LRCH1: variants seen among roughly 807,000 people sequenced by gnomAD.
LRCH1 encodes leucine-rich repeat and calponin homology domain-containing protein 1.
Under a neutral mutation model 94.9 loss-of-function variants are expected in LRCH1, and 23 were observed. The observed-to-expected ratio is 0.24, with a 90% confidence interval of 0.17 to 0.34. The LOEUF (loss-of-function observed/expected upper bound fraction) is 0.34, where lower values mean the gene tolerates loss of function less well. LRCH1 is among the 10% of genes least tolerant of loss of function. LRCH1 has a pLI of 1.00. For synonymous variants in LRCH1, 364 were observed against 354.9 expected (o/e 1.03, Z -0.29); for missense variants, 790 against 945.9 (o/e 0.84, Z 2.16).
rs376431970 is a variant in LRCH1 at position 46,640,686 on chromosome 13, C to T, written c.308-9515C>T. Among the ~76,000 whole-genome samples the T allele has an allele frequency of 3.5e-4, 53 of 152,314 alleles. No homozygotes were observed. The East Asian group carries it at 6.5e-3, about 19-fold the overall frequency. On this transcript the variant is annotated intron_variant, in intron 1 of 19. Coordinates refer to ENST00000389797, the MANE Select transcript of LRCH1 (RefSeq NM_001164211.2). ...AAGCTCCTAATCTTCATGGAGCTTA[C>T]GTTCTAGGAAGGGAAGAGAGAAAAT...
chr13:46,583,957 T>G (rs2050402393), intron 1 of LRCH1, among the ~76,000 whole-genome samples: 1 of 150,268 alleles, frequency 6.7e-6, no homozygotes, highest in South Asian at 2.1e-4. Context: ...TCAGCTAGAT[T>G]TTAAACTCCA....
At chr13:46,723,419 C>G in intron 17 of LRCH1, 89 bp downstream of exon 17, 1 of 1,002,888 alleles carries the variant, frequency 1.0e-6, no homozygotes, top group East Asian at 2.5e-5. Flanking sequence ...GCAAGCAGTC[C>G]TAATTTCAAA....
intron 1 of LRCH1, among the ~76,000 whole-genome samples, chr13:46,648,521 C>T (rs1292824134): frequency 1.3e-5 from 2 of 152,174 alleles, no homozygotes; most frequent in Non-Finnish European, 2.9e-5. Flanking sequence ...CAGGGCTCTT[C>T]TTTGTTGAGA....
intron 1 of LRCH1, among the ~76,000 whole-genome samples, chr13:46,582,648 C>CTTTTGTTTTTTTTTTTTTTTTT (rs2050384098): frequency 4.3e-5 from 1 of 23,332 alleles, no homozygotes; most frequent in Non-Finnish European, 8.0e-5. Flanking sequence ...CCATGCCCAG[C>CTTTTGTTTTTTTTTTTTTTTTT]TTTTTTTTTT....
chr13:46,704,490 TC>T (rs767049825), intron 11 of LRCH1, among the ~76,000 whole-genome samples: 1 of 152,094 alleles, frequency 6.6e-6, no homozygotes, highest in Non-Finnish European at 1.5e-5. Context: ...TATAAATGCA[TC>T]CCTGTTTAAG....
intron 1 of LRCH1, among the ~76,000 whole-genome samples, chr13:46,568,335 C>T (rs2050207148): frequency 6.6e-6 from 1 of 152,128 alleles, no homozygotes; most frequent in African/African-American, 2.4e-5. Context: ...TATGGTCACC[C>T]CATGCACATG....
intron 1 of LRCH1, among the ~76,000 whole-genome samples, chr13:46,560,878 T>C (rs1025925666): frequency 6.6e-6 from 1 of 152,188 alleles, no homozygotes; most frequent in Non-Finnish European, 1.5e-5. Context: ...CAGTAAGAAA[T>C]AGTACATTTG....
intron 11 of LRCH1, among the ~76,000 whole-genome samples, chr13:46,702,338 C>T (rs1040069325): frequency 1.3e-5 from 2 of 152,062 alleles, no homozygotes; most frequent in Non-Finnish European, 2.9e-5. Flanking sequence ...CCTGTCTGTA[C>T]TAATAATACA....
chr13:46,732,413 G>A (rs891247879), intron 18 of LRCH1, among the ~76,000 whole-genome samples: 18 of 152,164 alleles, frequency 1.2e-4, no homozygotes, highest in Non-Finnish European at 2.1e-4. Context: ...TAACCATTGC[G>A]TTTGTCACAA....
chr13:46,726,384 G>A (rs551670131), intron 17 of LRCH1, among the ~76,000 whole-genome samples: 145 of 152,280 alleles, frequency 9.5e-4, no homozygotes, highest in Non-Finnish European at 1.5e-3. Flanking sequence ...ACTTGGAGCC[G>A]AAGTCGCTGG....
At chr13:46,582,040 C>T (rs1033968964) in intron 1 of LRCH1, among the ~76,000 whole-genome samples, 1 of 150,638 alleles carries the variant, frequency 6.6e-6, no homozygotes, top group African/African-American at 2.4e-5. Context: ...GTCCCAGCTA[C>T]TTGGGAGGCT....
rs1593353351 is a variant in LRCH1, at chr13:46,688,324, A to G, written c.950+345A>G. Among the ~76,000 whole-genome samples, 4 of 152,338 alleles carry G rather than the reference A, an allele frequency of 2.6e-5. No homozygotes were observed. The South Asian group carries it at 8.3e-4, about 32-fold the overall frequency. ...ATATTTTTTACTTATCAAAATAACT[A>G]TATTGAGCCCAGACATGCCTTTTTA... On this transcript the variant is annotated intron_variant, in intron 6 of 19. Transcript: ENST00000389797.
intron 1 of LRCH1, among the ~76,000 whole-genome samples, chr13:46,649,304 GT>G (rs1233161021): frequency 6.6e-6 from 1 of 152,114 alleles, no homozygotes; most frequent in Non-Finnish European, 1.5e-5. Flanking sequence ...ATCTCTTATT[GT>G]TGAGTTGTTT....
At chr13:46,624,312 G>C (rs755495030) in intron 1 of LRCH1, among the ~76,000 whole-genome samples, 145 of 152,298 alleles carry the variant, frequency 9.5e-4, no homozygotes, top group Non-Finnish European at 2.4e-4. Flanking sequence ...TGTTTGATTT[G>C]ACTGATGTGG....
At chr13:46,724,025 G>T (rs946264256) in intron 17 of LRCH1, among the ~76,000 whole-genome samples, 2 of 151,882 alleles carry the variant, frequency 1.3e-5, no homozygotes, top group Non-Finnish European at 2.9e-5. Context: ...GTCTCACTCT[G>T]TCACCCAGGC....
At position 46,681,930 on chromosome 13, in the gene LRCH1, C is replaced by G. The variant is rs45439193; in HGVS notation, c.685+84C>G. The G allele has an allele frequency of 0.35, 207,328 of 588,982 alleles. 29,992 individuals are homozygous for G. Among genetic ancestry groups the G allele is most frequent in the East Asian group, 0.46 (12,890 of 27,946 alleles). 36.5% of individuals were successfully genotyped at this position (588,982 alleles called of 1,614,324 possible). A position where few individuals can be genotyped will look rare whatever the true frequency, so the allele number is the denominator to read the frequency against. On this transcript the variant is annotated intron_variant, in intron 4 of 19. Coordinates refer to ENST00000389797, the MANE Select transcript of LRCH1 (RefSeq NM_001164211.2). ...GGGGGTTTACTTTTGTGAAGAGGGT[C>G]GATCTTTGTGTGTGTGTGTGTGTGT...
At chr13:46,706,569 T>C (rs1871771269) in intron 13 of LRCH1, among the ~76,000 whole-genome samples, 1 of 152,154 alleles carries the variant, frequency 6.6e-6, no homozygotes, top group South Asian at 2.1e-4. Flanking sequence ...TAGCTTCTTA[T>C]TTGGAAATAA....
chr13:46,699,242 A>C lies in LRCH1; in HGVS notation c.1246-94A>C. 4 of 940,570 alleles carry C rather than the reference A, an allele frequency of 4.3e-6. No individual in the cohort carries two copies. In the East Asian group the frequency reaches 9.6e-5, roughly 23 times the overall value. The allele number at this position is 940,570 out of a possible 1,614,324, so 58.3% of individuals were successfully genotyped here. ...TTGTTTCCAGCTTTTGGCTATTGTG[A>C]ATAACGCTGTTATAAACATGGGCTG... is the stretch of plus-strand genomic sequence containing the variant. On this transcript the variant is annotated intron_variant, in intron 9 of 19. Coordinates refer to ENST00000389797, the MANE Select transcript of LRCH1 (RefSeq NM_001164211.2).
At chr13:46,724,760 A>G (rs1872732165) in intron 17 of LRCH1, among the ~76,000 whole-genome samples, 1 of 152,274 alleles carries the variant, frequency 6.6e-6, no homozygotes, top group South Asian at 2.1e-4. Flanking sequence ...TTTAATGTTC[A>G]GAAAGAAGTG....
Sources: allele counts gnomAD v4.1 joint callset (sites outside exome capture counted in the v4.1 genomes callset), GRCh38; gene constraint gnomAD v4.1.1; transcripts MANE v1.5; gene names NCBI Gene and HGNC (gene_info 2026-07-23, HGNC 2026-07-21).